Variants in RPTOR observed in about 807,000 individuals in gnomAD.
The protein encoded by RPTOR is regulatory-associated protein of mTOR.
RPTOR carries 21 observed loss-of-function variants against 169.9 expected under a neutral mutation model. That is an observed-to-expected ratio of 0.12 (90% CI 0.09 to 0.18). The LOEUF (loss-of-function observed/expected upper bound fraction) is 0.18. RPTOR is among the 10% of genes least tolerant of loss of function. RPTOR has a pLI of 1.00. For synonymous variants in RPTOR, 732 were observed against 753.2 expected (o/e 0.97, Z 0.46); for missense variants, 1,133 against 1,855.9 (o/e 0.61, Z 7.16).
In RPTOR at chr17:80,883,454, C is replaced by G. The variant is rs768594302; in HGVS notation, c.1620C>G (p.Ala540=). 1 of 1,614,152 alleles carries G rather than the reference C, an allele frequency of 6.2e-7. No homozygotes were observed. Among genetic ancestry groups the G allele is most frequent in the East Asian group, 2.2e-5 (1 of 44,872 alleles). ...GGACCATGACGGCTTTCATTCTCGC[C>G]GTGATCGTCAACAGCTATCACACGG... ...EHRTMTAFIL[A]VIVNSYHTGQ... The change falls in exon 15 of 34, where the codon GCC becomes GCG. Residue 540 remains alanine (A), a synonymous_variant. Transcript: ENST00000306801.
At chr17:80,782,319 G>A (rs1446117278) in intron 6 of RPTOR, among the ~76,000 whole-genome samples, 1 of 152,204 alleles carries the variant, frequency 6.6e-6, no homozygotes, top group Non-Finnish European at 1.5e-5. Flanking sequence ...CAGATGGCAG[G>A]AAAGATATAA....
chr17:80,943,922 G>A (rs149149346), intron 25 of RPTOR, among the ~76,000 whole-genome samples: 352 of 152,350 alleles, frequency 2.3e-3, no homozygotes, highest in Non-Finnish European at 3.4e-3. Context: ...TGGTTGCCCA[G>A]AGGCCACACA....
intron 3 of RPTOR, among the ~76,000 whole-genome samples, chr17:80,685,977 G>C (rs1246756179): frequency 6.6e-6 from 1 of 151,936 alleles, no homozygotes; most frequent in Non-Finnish European, 1.5e-5. Context: ...TCCTGTGCCT[G>C]GAGGGACATA....
intron 7 of RPTOR, among the ~76,000 whole-genome samples, chr17:80,792,195 C>T (rs1325462817): frequency 1.3e-5 from 2 of 152,102 alleles, no homozygotes; most frequent in Non-Finnish European, 2.9e-5. Flanking sequence ...TATGGAAGAA[C>T]TTTGGAGTTA....
In RPTOR at chr17:80,809,443, C is replaced by T. The variant is rs7504017; in HGVS notation, c.891-12758C>T. 6.9e-3 allele frequency among the ~76,000 whole-genome samples: 1,047 copies of T among 152,318 alleles called. 9 individuals carry two copies. Among genetic ancestry groups the T allele is most frequent in the Middle Eastern group, 0.014 (4 of 294 alleles). ...CCTGACTTAAGTGATCCACCCACCT[C>T]GGCCACCCAAGTGCCGGGATTACAG... On this transcript the variant is annotated intron_variant, in intron 7 of 33. Transcript: ENST00000306801.
At chr17:80,952,712 C>T (rs4969232) in intron 28 of RPTOR, among the ~76,000 whole-genome samples, 1 of 152,284 alleles carries the variant, frequency 6.6e-6, no homozygotes, top group South Asian at 2.1e-4. Flanking sequence ...CCTCTCTGTT[C>T]TTCCCGACCC....
intron 17 of RPTOR, among the ~76,000 whole-genome samples, chr17:80,889,725 G>A (rs992567236): frequency 3.3e-5 from 5 of 152,208 alleles, no homozygotes; most frequent in African/African-American, 4.8e-5. Context: ...AGGGTCCAAC[G>A]CAAAGGAGAG....
chr17:80,806,806 CT>C (rs1000140061), intron 7 of RPTOR, among the ~76,000 whole-genome samples: 1 of 151,928 alleles, frequency 6.6e-6, no homozygotes, highest in Non-Finnish European at 1.5e-5. Context: ...TTGATTTTTT[CT>C]TTTTTTTAAA....
At chr17:80,930,826 C>T (rs148086267) in intron 24 of RPTOR, among the ~76,000 whole-genome samples, 1 of 152,336 alleles carries the variant, frequency 6.6e-6, no homozygotes, top group East Asian at 1.9e-4. Context: ...GGACAGCTTC[C>T]TCCCACAGCT....
chr17:80,956,507 G>C (rs563366746), intron 28 of RPTOR, among the ~76,000 whole-genome samples: 1 of 152,240 alleles, frequency 6.6e-6, no homozygotes, highest in Non-Finnish European at 1.5e-5. Context: ...CTGCCGGCCC[G>C]TGGCCCATGC....
intron 3 of RPTOR, among the ~76,000 whole-genome samples, chr17:80,654,973 T>C (rs938752423): frequency 6.6e-6 from 1 of 152,236 alleles, no homozygotes; most frequent in African/African-American, 2.4e-5. Flanking sequence ...AAGAGAAAGT[T>C]ACCAAACCAT....
chr17:80,713,591 T>A (rs996647851), intron 4 of RPTOR, among the ~76,000 whole-genome samples: 9 of 152,104 alleles, frequency 5.9e-5, no homozygotes, highest in African/African-American at 1.9e-4. Context: ...TACAAAGACA[T>A]ATGAAGTTTG....
intron 1 of RPTOR, among the ~76,000 whole-genome samples, chr17:80,619,981 C>T (rs2065342855): frequency 6.6e-6 from 1 of 152,164 alleles, no homozygotes; most frequent in Admixed American, 6.5e-5. Flanking sequence ...GATCCTTAGG[C>T]GTGTGCTCCA....
rs957352572 is a variant in RPTOR, at chr17:80,603,756, A to G, written c.163-21935A>G. ...AATTTCCCCCAGAACAAGGTAGACCAATACAAGGTAGTGAAATGTTGCCAG... is the reference window on the plus strand; with the variant it reads ...AATTTCCCCCAGAACAAGGTAGACCGATACAAGGTAGTGAAATGTTGCCAG... On this transcript the variant is annotated intron_variant, in intron 1 of 33. Transcript: ENST00000306801. Among the ~76,000 whole-genome samples the G allele has an allele frequency of 3.3e-5, 5 of 152,364 alleles. No homozygotes were observed. In the East Asian group the frequency reaches 9.6e-4, roughly 29 times the overall value.
At chr17:80,889,843 C>T (rs1202564886) in intron 17 of RPTOR, among the ~76,000 whole-genome samples, 3 of 120,976 alleles carry the variant, frequency 2.5e-5, no homozygotes, top group East Asian at 2.4e-4. Flanking sequence ...GTGCGGCCTC[C>T]GAGGGAGGCC....
At chr17:80,711,500 A>G (rs1049780388) in intron 4 of RPTOR, among the ~76,000 whole-genome samples, 39 of 152,154 alleles carry the variant, frequency 2.6e-4, no homozygotes, top group Admixed American at 2.0e-4. Context: ...GTCATTTACT[A>G]TAGAGTCCAT....
intron 5 of RPTOR, among the ~76,000 whole-genome samples, chr17:80,736,440 G>A (rs2066434221): frequency 1.3e-5 from 2 of 152,098 alleles, no homozygotes; most frequent in East Asian, 1.9e-4. Context: ...ACCGCCCCCC[G>A]CCCCTACCAA....
At chr17:80,885,190 T>G (rs113562094) in intron 17 of RPTOR, 42 bp downstream of exon 17, 1 of 1,541,964 alleles carries the variant, frequency 6.5e-7, no homozygotes, top group African/African-American at 1.4e-5. Context: ...GCACCCAGGC[T>G]GGACCCCGTG....
At chr17:80,737,897 T>C (rs2066447585) in intron 5 of RPTOR, among the ~76,000 whole-genome samples, 1 of 151,202 alleles carries the variant, frequency 6.6e-6, no homozygotes, top group Non-Finnish European at 1.5e-5. Context: ...ATTTCCACTG[T>C]CTATAGCAGA....
Sources: gnomAD v4.1 joint callset for allele counts (sites outside exome capture counted in the v4.1 genomes callset) on GRCh38, gnomAD v4.1.1 for gene constraint, MANE v1.5 for transcripts, NCBI Gene and HGNC (gene_info 2026-07-23, HGNC 2026-07-21) for gene names.